The following STAU1 variants were observed in gnomAD, a reference collection of about 807,000 sequenced individuals.
The protein encoded by STAU1 is staufen double-stranded RNA binding protein 1.
In STAU1, 13 loss-of-function variants were observed where a neutral mutation model predicts 62.9. The observed-to-expected ratio is 0.21, with a 90% CI of 0.13 to 0.33. STAU1 has a LOEUF of 0.33. STAU1 is among the 10% of genes least tolerant of loss of function. STAU1 has a pLI of 1.00. For synonymous variants in STAU1, 269 were observed against 265.1 expected (o/e 1.01, Z -0.14); for missense variants, 571 against 712.1 (o/e 0.80, Z 2.25).
At chr20:49,162,775 C>CAA (rs933683643) in intron 3 of STAU1, among the ~76,000 whole-genome samples, 76 of 77,654 alleles carry the variant, frequency 9.8e-4, no homozygotes, top group Middle Eastern at 6.7e-3. Context: ...GACTCCGTCT[C>CAA]AAAAAAAAAA....
intron 5 of STAU1, among the ~76,000 whole-genome samples, chr20:49,141,605 A>G (rs1342198116): frequency 6.6e-6 from 1 of 152,182 alleles, no homozygotes; most frequent in Non-Finnish European, 1.5e-5. Context: ...TCAAAACACA[A>G]GGCAACGGGC....
At chr20:49,197,101 G>T in the STAU1 span, among the ~76,000 whole-genome samples, 1 of 151,050 alleles carries the variant, frequency 6.6e-6, no homozygotes, top group South Asian at 2.1e-4. Context: ...GTTGCAGTGA[G>T]CCGAGATCGC....
upstream of STAU1, among the ~76,000 whole-genome samples, chr20:49,188,570 G>T (rs1196041013): frequency 6.6e-6 from 1 of 152,248 alleles, no homozygotes; most frequent in African/African-American, 2.4e-5. Context: ...CCCGGGGCCT[G>T]CCGGGAGTTG....
chr20:49,170,652 C>T (rs2093585016), intron 2 of STAU1, among the ~76,000 whole-genome samples: 2 of 152,098 alleles, frequency 1.3e-5, no homozygotes, highest in Non-Finnish European at 2.9e-5. Context: ...CCGTGCCCAG[C>T]CAGAAAAACA....
chr20:49,166,833 T>A (rs2093533637), intron 2 of STAU1, among the ~76,000 whole-genome samples: 2 of 152,118 alleles, frequency 1.3e-5, no homozygotes, highest in South Asian at 4.1e-4. Flanking sequence ...TTTATGGTGA[T>A]GAGAGATGTA....
At chr20:49,178,276 T>C (rs531901757) in intron 1 of STAU1, among the ~76,000 whole-genome samples, 1 of 152,256 alleles carries the variant, frequency 6.6e-6, no homozygotes, top group South Asian at 2.1e-4. Flanking sequence ...ATTATCAATA[T>C]ATCTATATAG....
chr20:49,115,994 A>G, intron 12 of STAU1, 127 bp from the exon 13 acceptor site: 1 of 671,448 alleles, frequency 1.5e-6, no homozygotes, highest in Non-Finnish European at 2.6e-6. Context: ...CAACTCTGGT[A>G]CTACTAAATA....
At chr20:49,197,151 T>C in the STAU1 span, among the ~76,000 whole-genome samples, 1 of 79,710 alleles carries the variant, frequency 1.3e-5, no homozygotes, top group South Asian at 6.3e-4. Flanking sequence ...TGAGACTCTG[T>C]CTCCAAAAAA....
chr20:49,199,697 C>T, the STAU1 span, among the ~76,000 whole-genome samples: 87 of 151,782 alleles, frequency 5.7e-4, no homozygotes, highest in African/African-American at 1.8e-3. Flanking sequence ...CTCAGCCTCC[C>T]GAGTAGCTGG....
the STAU1 span, among the ~76,000 whole-genome samples, chr20:49,218,457 C>T: frequency 6.6e-6 from 1 of 151,502 alleles, no homozygotes. Context: ...GATCTCCTGA[C>T]CTCGTGATCC....
At chr20:49,128,771 TCCA>T (rs71337313) in intron 6 of STAU1, among the ~76,000 whole-genome samples, 13 of 27,186 alleles carry the variant, frequency 4.8e-4, no homozygotes, top group South Asian at 4.1e-3. Flanking sequence ...GACATCCAAA[TCCA>T]AAAAAAAAAA....
chr20:49,128,860 G>C (rs2092691025), intron 6 of STAU1, among the ~76,000 whole-genome samples: 1 of 149,970 alleles, frequency 6.7e-6, no homozygotes, highest in Admixed American at 6.6e-5. Flanking sequence ...AAACCTAAAT[G>C]TAAGAGCTAA....
intron 3 of STAU1, chr20:49,159,009 A>G (rs2093409664): frequency 7.7e-7 from 1 of 1,291,220 alleles, no homozygotes; most frequent in Non-Finnish European, 1.0e-6. Context: ...CCATCAGGCT[A>G]CTCATTTAAG....
Position 49,117,396 on chromosome 20 carries a change from G to T in STAU1, c.1510-148C>A. 1.0e-6 allele frequency: 1 copy of T among 976,382 alleles called. No homozygotes were observed. The highest frequency in any genetic ancestry group is 1.5e-6 in the Non-Finnish European group (1 of 659,876). The allele number at this position is 976,382 out of a possible 1,614,324, so 60.5% of individuals were successfully genotyped here. On this transcript the variant is annotated intron_variant, in intron 11 of 13. Coordinates refer to ENST00000371856, the MANE Select transcript of STAU1 (RefSeq NM_017453.4). The surrounding 1 kb of genome is among the most constrained non-coding windows in gnomAD (Gnocchi z 4.6). ...GGCCATACTAACACCTGCCCTGTCA[G>T]CCCAGAACCTTCCAGGAACCTAGGT...
intron 9 of STAU1, among the ~76,000 whole-genome samples, chr20:49,118,898 C>T (rs2092397300): frequency 6.6e-6 from 1 of 152,212 alleles, no homozygotes; most frequent in South Asian, 2.1e-4. Context: ...CACAACATCA[C>T]CTTTCTAAGA....
intron 5 of STAU1, 21 bp from the exon 6 acceptor site, chr20:49,135,952 T>C (rs1162876949): frequency 3.2e-6 from 5 of 1,584,054 alleles, no homozygotes; most frequent in Non-Finnish European, 4.3e-6. Flanking sequence ...AATTGTTTAG[T>C]AGTTAGCTCT....
chr20:49,148,309 A>C (rs965227706), intron 5 of STAU1, among the ~76,000 whole-genome samples: 1 of 152,144 alleles, frequency 6.6e-6, no homozygotes, highest in African/African-American at 2.4e-5. Flanking sequence ...TTTATTCAAT[A>C]CCCCCAAGAA....
the STAU1 span, among the ~76,000 whole-genome samples, chr20:49,206,373 A>C: frequency 6.7e-6 from 1 of 150,088 alleles, no homozygotes; most frequent in Admixed American, 6.7e-5. Context: ...ATCATGAAAA[A>C]CAATGTCCAC....
At chr20:49,198,261 AT>A in the STAU1 span, among the ~76,000 whole-genome samples, 1 of 152,186 alleles carries the variant, frequency 6.6e-6, no homozygotes, top group African/African-American at 2.4e-5. Context: ...CACGACTGTA[AT>A]GCCAGCACTT....
Sources: gnomAD v4.1 joint callset for allele counts (sites outside exome capture counted in the v4.1 genomes callset) on GRCh38, gnomAD v4.1.1 for gene constraint, Gnocchi (gnomAD v3.1) non-coding constraint, MANE v1.5 for transcripts, NCBI Gene and HGNC (gene_info 2026-07-23, HGNC 2026-07-21) for gene names.